The following ROR1 variants were observed in gnomAD, a reference collection of about 807,000 sequenced individuals.
ROR1 encodes inactive tyrosine-protein kinase transmembrane receptor ROR1.
A neutral mutation model predicts 78.8 loss-of-function variants in ROR1; 19 were observed. The observed-to-expected ratio is 0.24, with a 90% CI of 0.17 to 0.35. The LOEUF is 0.35. Ranked by LOEUF, ROR1 falls within the 10% of genes least tolerant of loss-of-function variation. The probability of loss-of-function intolerance (pLI) is 1.00; values close to 1 mark genes in which losing one functional copy is unlikely to be tolerated. For missense variants in ROR1, 917 were observed against 1,177.8 expected (o/e 0.78, Z 3.24); for synonymous variants, 386 against 433.6 (o/e 0.89, Z 1.36).
At chr1:63,915,126 C>G (rs1487546714) in intron 1 of ROR1, among the ~76,000 whole-genome samples, 3 of 152,200 alleles carry the variant, frequency 2.0e-5, no homozygotes, top group African/African-American at 7.2e-5. Context: ...AAAACTGAGT[C>G]TCTAAGAGGT....
intron 2 of ROR1, among the ~76,000 whole-genome samples, chr1:64,012,542 C>T (rs1356079752): frequency 6.6e-6 from 1 of 152,136 alleles, no homozygotes; most frequent in Non-Finnish European, 1.5e-5. Context: ...GAAGGTTTTC[C>T]ACCAAAGACA....
intron 1 of ROR1, among the ~76,000 whole-genome samples, chr1:63,812,532 G>GAAT (rs1557508781): frequency 2.0e-5 from 3 of 152,140 alleles, no homozygotes; most frequent in African/African-American, 7.2e-5. Flanking sequence ...ATGAATGAAT[G>GAAT]GATGAATGAA....
chr1:64,000,645 T>C lies in ROR1; in HGVS notation c.92-8660T>C, dbSNP rs531570459. On this transcript the variant is annotated intron_variant, in intron 1 of 8. Coordinates refer to ENST00000371079, the MANE Select transcript of ROR1 (RefSeq NM_005012.4). ...ACAAAAAGAACTAGAAGGCCCTGGA[T>C]TGGAAAAAGTTGCTATGGCTGTAGT... Among the ~76,000 whole-genome samples the C allele has an allele frequency of 3.3e-5, 5 of 152,300 alleles. No homozygotes were observed. In the South Asian group the frequency reaches 1.0e-3, roughly 32 times the overall value.
chr1:64,126,501 A>G (rs1648718523), intron 4 of ROR1, among the ~76,000 whole-genome samples: 1 of 152,174 alleles, frequency 6.6e-6, no homozygotes, highest in South Asian at 2.1e-4. Flanking sequence ...TCTTGGTGGG[A>G]TATTTTGAGA....
intron 1 of ROR1, among the ~76,000 whole-genome samples, chr1:63,925,983 C>A (rs1189441718): frequency 6.6e-6 from 1 of 150,782 alleles, no homozygotes. Flanking sequence ...ACTCTGATGG[C>A]AGTTTCTTTT....
chr1:64,176,200 C>A (rs1307293743), intron 8 of ROR1, among the ~76,000 whole-genome samples: 5 of 152,186 alleles, frequency 3.3e-5, no homozygotes, highest in Non-Finnish European at 7.3e-5. Flanking sequence ...TAATAAACAA[C>A]CCACTTGCGA....
intron 1 of ROR1, among the ~76,000 whole-genome samples, chr1:63,825,716 A>G (rs1340254961): frequency 6.6e-6 from 1 of 152,248 alleles, no homozygotes; most frequent in Non-Finnish European, 1.5e-5. Flanking sequence ...CTGAATTTTT[A>G]ATAGTGTCAT....
intron 1 of ROR1, among the ~76,000 whole-genome samples, chr1:63,941,640 A>G (rs1645841496): frequency 1.3e-5 from 2 of 152,208 alleles, no homozygotes; most frequent in African/African-American, 4.8e-5. Flanking sequence ...TGTGCATGAC[A>G]GGTATTCTAA....
intron 1 of ROR1, among the ~76,000 whole-genome samples, chr1:63,946,087 G>A (rs1645886810): frequency 6.6e-6 from 1 of 152,200 alleles, no homozygotes; most frequent in African/African-American, 2.4e-5. Context: ...AAGTTTGGCT[G>A]TCATAGCCCA....
At chr1:63,907,295 G>A (rs1645537024) in intron 1 of ROR1, among the ~76,000 whole-genome samples, 1 of 152,164 alleles carries the variant, frequency 6.6e-6, no homozygotes, top group Non-Finnish European at 1.5e-5. Flanking sequence ...TGGGGCTTGG[G>A]CGGCCGGCTG....
chr1:64,108,990 C>A (rs1647962159), intron 4 of ROR1, among the ~76,000 whole-genome samples: 1 of 152,088 alleles, frequency 6.6e-6, no homozygotes, highest in African/African-American at 2.4e-5. Flanking sequence ...TTGGACACAC[C>A]CCAGAGCTAC....
At chr1:63,972,536 C>T (rs749655526) in intron 1 of ROR1, among the ~76,000 whole-genome samples, 1 of 152,032 alleles carries the variant, frequency 6.6e-6, no homozygotes. Flanking sequence ...TTAGTTAGGT[C>T]TTGGGTACTA....
At chr1:63,835,178 G>C (rs1250216538) in intron 1 of ROR1, among the ~76,000 whole-genome samples, 1 of 152,084 alleles carries the variant, frequency 6.6e-6, no homozygotes, top group Non-Finnish European at 1.5e-5. Context: ...TTATTTATCA[G>C]CTTTGTGATT....
At chr1:64,169,615 T>G (rs1650182877) in intron 8 of ROR1, among the ~76,000 whole-genome samples, 1 of 152,132 alleles carries the variant, frequency 6.6e-6, no homozygotes, top group Non-Finnish European at 1.5e-5. Flanking sequence ...TCCTTACATT[T>G]TAAAACCAAT....
At chr1:63,786,707 A>C (rs1248806640) in intron 1 of ROR1, among the ~76,000 whole-genome samples, 1 of 151,816 alleles carries the variant, frequency 6.6e-6, no homozygotes, top group African/African-American at 2.4e-5. Flanking sequence ...TAGGTTTAGA[A>C]AGTTTCTTAG....
chr1:63,984,264 T>TC (rs1384461158), intron 1 of ROR1, among the ~76,000 whole-genome samples: 1 of 152,138 alleles, frequency 6.6e-6, no homozygotes, highest in Non-Finnish European at 1.5e-5. Context: ...AACTTGAATT[T>TC]AAGAAAGCTT....
At position 64,140,244 on chromosome 1, in the gene ROR1, G is replaced by T; in HGVS notation, c.746G>T (p.Arg249Leu). 1 of 1,614,080 alleles carries T rather than the reference G, an allele frequency of 6.2e-7. No homozygotes were observed. The change falls in exon 6 of 9, where the codon CGC becomes CTC. Residue 249 changes from arginine to leucine, a missense_variant. By Grantham distance (102) the Arg-to-Leu change is moderately radical. Coordinates refer to ENST00000371079, the MANE Select transcript of ROR1 (RefSeq NM_005012.4). ...SSVPKPRDLC[R>L]DECEILENVL... ...GTCCCAAAGCCCCGTGACTTGTGTC[G>T]CGATGAATGTGAAATCCTGGAGAAT...
chr1:64,154,606 CATTAT>C (rs1321277304), intron 7 of ROR1, among the ~76,000 whole-genome samples: 1 of 152,064 alleles, frequency 6.6e-6, no homozygotes, highest in Non-Finnish European at 1.5e-5. Context: ...GTATTTTCTC[CATTAT>C]ATTTAATTAC....
chr1:64,030,516 A>G (rs1383695665), intron 2 of ROR1, among the ~76,000 whole-genome samples: 17 of 152,226 alleles, frequency 1.1e-4, no homozygotes, highest in East Asian at 1.9e-4. Flanking sequence ...CAAAAAGTGT[A>G]AAGATCTGAT....
Sources: allele counts gnomAD v4.1 joint callset (sites outside exome capture counted in the v4.1 genomes callset), GRCh38; gene constraint gnomAD v4.1.1; transcripts MANE v1.5; gene names NCBI Gene and HGNC (gene_info 2026-07-23, HGNC 2026-07-21).